The following GRIK1 variants were observed in gnomAD, a reference collection of about 807,000 sequenced individuals.
GRIK1 encodes glutamate receptor ionotropic, kainate 1.
A neutral mutation model predicts 105.7 loss-of-function variants in GRIK1; 69 were observed. That is an observed-to-expected ratio of 0.65 (90% CI 0.54 to 0.80). GRIK1 has a LOEUF of 0.80. Ranked by LOEUF, GRIK1 falls within the 30% of genes least tolerant of loss-of-function variation. The pLI is 0.00. For missense variants in GRIK1, 1,109 were observed against 1,167.3 expected, an observed-to-expected ratio of 0.95 and a Z score of 0.73; for synonymous variants, 438 against 431.3, an observed-to-expected ratio of 1.02 and a Z score of -0.19.
At chr21:29,734,344 C>A (rs1304877254) in intron 1 of GRIK1, among the ~76,000 whole-genome samples, 1 of 146,506 alleles carries the variant, frequency 6.8e-6, no homozygotes, top group Non-Finnish European at 1.5e-5. Flanking sequence ...TGGATCATAG[C>A]ACTTTTCTTT....
At chr21:29,865,060 G>A (rs2068758730) in intron 1 of GRIK1, among the ~76,000 whole-genome samples, 1 of 152,180 alleles carries the variant, frequency 6.6e-6, no homozygotes, top group Non-Finnish European at 1.5e-5. Context: ...AGAGTGATCA[G>A]GAAGTAAGTT....
intron 1 of GRIK1, among the ~76,000 whole-genome samples, chr21:29,898,928 C>T (rs1437232762): frequency 2.6e-5 from 4 of 151,668 alleles, no homozygotes; most frequent in Non-Finnish European, 2.9e-5. Flanking sequence ...GCCGAGATCA[C>T]GTCATTGCAC....
chr21:29,559,914 T>C (rs1427920699), intron 15 of GRIK1, among the ~76,000 whole-genome samples: 1 of 152,162 alleles, frequency 6.6e-6, no homozygotes, highest in Non-Finnish European at 1.5e-5. Context: ...CTTTTAGGTA[T>C]GTCATGTGGT....
intron 1 of GRIK1, among the ~76,000 whole-genome samples, chr21:29,905,640 T>A (rs894413558): frequency 7.2e-6 from 1 of 139,292 alleles, no homozygotes; most frequent in African/African-American, 2.7e-5. Flanking sequence ...TTTTTTTTTT[T>A]TTTTGAGACG....
intron 1 of GRIK1, among the ~76,000 whole-genome samples, chr21:29,749,321 C>G (rs138981794): frequency 7.9e-5 from 12 of 152,296 alleles, no homozygotes; most frequent in Admixed American, 7.8e-4. Flanking sequence ...CACATAGGGA[C>G]AGGACTGGAT....
chr21:29,610,245 G>A (rs2061703118), intron 7 of GRIK1, among the ~76,000 whole-genome samples: 1 of 152,058 alleles, frequency 6.6e-6, no homozygotes, highest in South Asian at 2.1e-4. Flanking sequence ...TGTGTGGTAG[G>A]GTGAATAAAT....
intron 1 of GRIK1, among the ~76,000 whole-genome samples, chr21:29,837,138 G>T (rs997616491): frequency 2.0e-5 from 3 of 152,262 alleles, no homozygotes; most frequent in Admixed American, 6.5e-5. Context: ...TAGCTAAGCT[G>T]AAATTGTAAT....
intron 3 of GRIK1, among the ~76,000 whole-genome samples, chr21:29,676,606 G>A (rs9983625): frequency 6.6e-6 from 1 of 152,246 alleles, no homozygotes; most frequent in South Asian, 2.1e-4. Context: ...CTGATGGAGT[G>A]ACCCAACCCT....
intron 1 of GRIK1, among the ~76,000 whole-genome samples, chr21:29,845,724 A>C (rs1305870901): frequency 1.3e-5 from 2 of 150,972 alleles, no homozygotes; most frequent in African/African-American, 4.9e-5. Flanking sequence ...TTTCCCTTTA[A>C]ATTTCCTGGC....
Position 29,792,807 on chromosome 21 carries a change from C to T in GRIK1, c.119-98744G>A, listed in dbSNP as rs116472072. On this transcript the variant is annotated intron_variant, in intron 1 of 17. Transcript: ENST00000327783. Reference sequence around the variant, plus strand: ...CTTAGTATGAAAGTGACAGTACAAACGTAAACAACCTCATTAGCAGCTCTT... The same window carrying T: ...CTTAGTATGAAAGTGACAGTACAAATGTAAACAACCTCATTAGCAGCTCTT... 7.0e-3 allele frequency among the ~76,000 whole-genome samples: 1,067 copies of T among 152,244 alleles called. 8 individuals are homozygous for T. Among genetic ancestry groups the T allele is most frequent in the African/African-American group, 0.024 (1,014 of 41,536 alleles).
intron 1 of GRIK1, among the ~76,000 whole-genome samples, chr21:29,715,181 C>G (rs950281567): frequency 3.9e-5 from 6 of 152,172 alleles, no homozygotes; most frequent in African/African-American, 1.4e-4. Context: ...GTTACACTGG[C>G]TCACACTATG....
chr21:29,854,651 G>T (rs1280889687), intron 1 of GRIK1, among the ~76,000 whole-genome samples: 2 of 152,124 alleles, frequency 1.3e-5, no homozygotes, highest in African/African-American at 4.8e-5. Flanking sequence ...TGACTGTCAG[G>T]AAATATCATA....
intron 1 of GRIK1, among the ~76,000 whole-genome samples, chr21:29,810,751 T>C (rs1430462589): frequency 6.6e-6 from 1 of 152,218 alleles, no homozygotes; most frequent in African/African-American, 2.4e-5. Context: ...GAAGTAGCAA[T>C]AGCTGATTCA....
intron 16 of GRIK1, among the ~76,000 whole-genome samples, chr21:29,538,783 T>C (rs1157543412): frequency 6.6e-6 from 1 of 151,782 alleles, no homozygotes; most frequent in Non-Finnish European, 1.5e-5. Context: ...AGTGTGTTTC[T>C]TGTGTATCAG....
chr21:29,648,336 C>G (rs1202481956), intron 6 of GRIK1, among the ~76,000 whole-genome samples: 1 of 152,128 alleles, frequency 6.6e-6, no homozygotes, highest in Non-Finnish European at 1.5e-5. Flanking sequence ...AGTGGCCAGT[C>G]TGTGACTAAT....
intron 1 of GRIK1, among the ~76,000 whole-genome samples, chr21:29,869,390 A>G (rs910692091): frequency 6.6e-6 from 1 of 152,042 alleles, no homozygotes; most frequent in Non-Finnish European, 1.5e-5. Flanking sequence ...TTATTCATTT[A>G]CTCTTTCTTT....
At chr21:29,649,297 C>T (rs564295768) in intron 6 of GRIK1, among the ~76,000 whole-genome samples, 6 of 152,148 alleles carry the variant, frequency 3.9e-5, no homozygotes, top group African/African-American at 9.7e-5. Context: ...AGTATTGACA[C>T]GACCTGATAT....
chr21:29,843,561 T>C (rs970709394), intron 1 of GRIK1, among the ~76,000 whole-genome samples: 7 of 152,310 alleles, frequency 4.6e-5, no homozygotes, highest in African/African-American at 1.7e-4. Context: ...AGGCCTTATA[T>C]ATTTTTCTTA....
chr21:29,904,503 T>C (rs1223894160), intron 1 of GRIK1, among the ~76,000 whole-genome samples: 1 of 152,118 alleles, frequency 6.6e-6, no homozygotes, highest in East Asian at 1.9e-4. Flanking sequence ...TCTGCAATGT[T>C]TATGGAGCAA....
Sources: gnomAD v4.1 joint callset for allele counts (sites outside exome capture counted in the v4.1 genomes callset) on GRCh38, gnomAD v4.1.1 for gene constraint, MANE v1.5 for transcripts, NCBI Gene and HGNC (gene_info 2026-07-23, HGNC 2026-07-21) for gene names.